KCNAB2: variants seen among roughly 807,000 people sequenced by gnomAD.
KCNAB2 encodes potassium voltage-gated channel subfamily A regulatory beta subunit 2.
KCNAB2 carries 29 observed loss-of-function variants against 63.6 expected under a neutral mutation model. That is an observed-to-expected ratio of 0.46 (90% CI 0.34 to 0.62). The LOEUF is 0.62. Ranked by LOEUF, KCNAB2 falls within the 20% of genes least tolerant of loss-of-function variation. KCNAB2 has a pLI of 0.01. For synonymous variants in KCNAB2, 222 were observed against 224.2 expected (o/e 0.99, Z 0.09); for missense variants, 359 against 563.9 (o/e 0.64, Z 3.68).
intron 9 of KCNAB2, 25 bp downstream of exon 9, chr1:6,090,500 C>T (rs1423006019): frequency 1.1e-5 from 17 of 1,590,208 alleles, no homozygotes; most frequent in Admixed American, 3.4e-5. Flanking sequence ...GCGGCGCCAC[C>T]GGTTAGGCCT....
At chr1:6,008,673 C>T (rs150118287) in intron 1 of KCNAB2, among the ~76,000 whole-genome samples, 3 of 150,842 alleles carry the variant, frequency 2.0e-5, no homozygotes, top group Non-Finnish European at 4.4e-5. Context: ...CTGAGAAATG[C>T]TCCTGGTATC....
At chr1:6,041,572 G>A, upstream of KCNAB2, 1 of 532,082 alleles carries the variant, frequency 1.9e-6, no homozygotes, top group East Asian at 3.2e-5. Flanking sequence ...AACAGGGCCT[G>A]GCATGGAAGG....
At chr1:6,094,317 C>T in intron 10 of KCNAB2, 83 bp from the exon 11 acceptor site, 1 of 1,007,910 alleles carries the variant, frequency 9.9e-7, no homozygotes, top group Non-Finnish European at 1.5e-6. Flanking sequence ...TCCCAGCGTC[C>T]TGCCTGTATT....
intron 1 of KCNAB2, among the ~76,000 whole-genome samples, chr1:6,000,508 A>G (rs1339790761): frequency 4.6e-5 from 7 of 152,090 alleles, no homozygotes; most frequent in African/African-American, 1.4e-4. Context: ...GGGAGCTGCC[A>G]TGCTCTCTCT....
chr1:6,042,117 A>G (rs903842046), upstream of KCNAB2, among the ~76,000 whole-genome samples: 3 of 152,220 alleles, frequency 2.0e-5, no homozygotes, highest in African/African-American at 7.2e-5. Flanking sequence ...TGATTTGAGC[A>G]AATGGGCTTT....
At chr1:6,034,751 C>T (rs11584686) in exon 1 of KCNAB2, 12,979 of 152,556 alleles carry the variant, frequency 0.085, 795 homozygotes, top group African/African-American at 0.17. Context: ...GCTGCCTCTC[C>T]AGTGCTCTCT....
In KCNAB2 at chr1:6,039,315, G is replaced by A. The variant is rs72861064; in HGVS notation, c.-52-1202G>A. Among the ~76,000 whole-genome samples the A allele has an allele frequency of 3.7e-3, 570 of 152,318 alleles. 1 individual carries two copies. The highest frequency in any genetic ancestry group is 0.012 in the African/African-American group (515 of 41,576). ...CCTAGGAGTGGGAGGAAAGAGCATGGGACCAGATTCACTTTGGAAATAGAA... is the reference window on the plus strand; with the variant it reads ...CCTAGGAGTGGGAGGAAAGAGCATGAGACCAGATTCACTTTGGAAATAGAA... On this transcript the variant is annotated intron_variant, in intron 1 of 15. Transcript: ENST00000164247.
chr1:6,077,530 G>A lies in KCNAB2; in HGVS notation c.300+3760G>A, dbSNP rs1030218561. Among the ~76,000 whole-genome samples the A allele has an allele frequency of 9.8e-5, 15 of 152,306 alleles. No homozygotes were observed. The East Asian group carries it at 2.7e-3, about 27-fold the overall frequency. The stretch of plus-strand genomic sequence containing the variant: ...GGTTAGGGTTGGTGTCTGCAGTGCC[G>A]GACCCTGCTGATCCGGCTGTCTGCA... On this transcript the variant is annotated intron_variant, in intron 4 of 15. Transcript: ENST00000378083.
At chr1:6,031,780 T>C (rs888635154), upstream of KCNAB2, among the ~76,000 whole-genome samples, 3 of 151,142 alleles carry the variant, frequency 2.0e-5, no homozygotes, top group Non-Finnish European at 4.4e-5. This position sits in a 1 kb window ranked among gnomAD's most constrained non-coding sequence, Gnocchi z 4.1. Flanking sequence ...TCCCAGCTAA[T>C]TGGGAGGCTG....
In KCNAB2 at chr1:6,086,148, T is replaced by C; in HGVS notation, c.425+900T>C. ...GCCCTGTTCCTTAATAAATGCGTCTTTATTTTCAGAAACATCAGAAGCAGT... is the reference window on the plus strand; with the variant it reads ...GCCCTGTTCCTTAATAAATGCGTCTCTATTTTCAGAAACATCAGAAGCAGT... On this transcript the variant is annotated intron_variant, in intron 6 of 15. Coordinates refer to ENST00000378083, the MANE Select transcript of KCNAB2 (RefSeq NM_001199862.2). The surrounding 1 kb of genome is among the most constrained non-coding windows in gnomAD (Gnocchi z 4.2). 1.0e-6 allele frequency: 1 copy of C among 985,370 alleles called. No homozygotes were observed. Among genetic ancestry groups the C allele is most frequent in the Non-Finnish European group, 1.2e-6 (1 of 829,910 alleles). The allele number at this position is 985,370 out of a possible 1,614,324, so 61.0% of individuals were successfully genotyped here. A position where few individuals can be genotyped will look rare whatever the true frequency, so the allele number is the denominator to read the frequency against.
At chr1:6,076,006 A>G (rs1181634462) in intron 4 of KCNAB2, among the ~76,000 whole-genome samples, 1 of 152,162 alleles carries the variant, frequency 6.6e-6, no homozygotes, top group Non-Finnish European at 1.5e-5. Context: ...GGCTGCTTTC[A>G]CTCCACAAGG....
In KCNAB2 at chr1:5,994,749, G is replaced by A. The variant is rs1005818818; in HGVS notation, c.-53+1961G>A. On this transcript the variant is annotated intron_variant, in intron 1 of 16. Coordinates refer to the KCNAB2 transcript ENST00000341524. The surrounding 1 kb of genome is among the most constrained non-coding windows in gnomAD (Gnocchi z 5.4). ...CGGGAGGTGGGACGTGGGCCATGGC[G>A]CTAGAGAGCTGGAAAGGCCGAGGGT... Among the ~76,000 whole-genome samples, 3 of 152,208 alleles carry A rather than the reference G, an allele frequency of 2.0e-5. No individual in the cohort carries two copies. The highest frequency in any genetic ancestry group is 7.2e-5 in the African/African-American group (3 of 41,452).
chr1:6,007,003 C>A lies in KCNAB2; in HGVS notation c.-53+14215C>A, dbSNP rs576979631. Among the ~76,000 whole-genome samples, 711 of 152,230 alleles carry A rather than the reference C, an allele frequency of 4.7e-3. 2 individuals are homozygous for A. Among genetic ancestry groups the A allele is most frequent in the Non-Finnish European group, 8.7e-3 (594 of 68,016 alleles). On this transcript the variant is annotated intron_variant, in intron 1 of 16. Coordinates refer to the KCNAB2 transcript ENST00000341524. ...TCTGTGCTGGGCACTGTGCTTAAGC[C>A]CAGCAGCGGGCCCTGGCTGGACTCA...
intron 1 of KCNAB2, among the ~76,000 whole-genome samples, chr1:6,015,022 T>G (rs1473302805): frequency 2.4e-5 from 3 of 124,268 alleles, no homozygotes; most frequent in East Asian, 2.2e-4. Flanking sequence ...CTTCCTTTTT[T>G]TTTTTTTTTT....
chr1:6,094,511 TG>T, intron 11 of KCNAB2, 26 bp downstream of exon 11: 1 of 1,585,272 alleles, frequency 6.3e-7, no homozygotes, highest in Non-Finnish European at 8.6e-7. Flanking sequence ...AGCATGTGTG[TG>T]TCCAGGCACA....
chr1:6,090,433 G>A lies in KCNAB2; in HGVS notation c.559G>A (p.Val187Met), dbSNP rs758650434. The stretch of plus-strand genomic sequence containing the variant: ...GCGACTGCAGCTGGAGTACGTGGAT[G>A]TGGTGTTTGCCAACCGCCCGGACCC... ...LERLQLEYVD[V>M]VFANRPDPNT... The change falls in exon 9 of 16, where the codon GTG becomes ATG. Residue 187 changes from valine to methionine, a missense_variant. Physicochemically the swap from Val to Met is conservative, Grantham distance 21 (BLOSUM62 1). Around this residue, in one of 2 missense-constraint regions of KCNAB2, gnomAD observed 271 missense variants for 476.1 expected, o/e 0.57. Coordinates refer to ENST00000378083, the MANE Select transcript of KCNAB2 (RefSeq NM_001199862.2). The A allele has an allele frequency of 6.2e-7, 1 of 1,613,968 alleles. No individual in the cohort carries two copies. Among genetic ancestry groups the A allele is most frequent in the Admixed American group, 1.7e-5 (1 of 60,016 alleles).
At chr1:6,049,374 A>G (rs1661202006) in intron 1 of KCNAB2, among the ~76,000 whole-genome samples, 1 of 152,240 alleles carries the variant, frequency 6.6e-6, no homozygotes. Flanking sequence ...GAGTGAATTC[A>G]GCACACAGGA....
At chr1:6,079,520 C>A (rs958615922) in intron 4 of KCNAB2, among the ~76,000 whole-genome samples, 61 of 145,608 alleles carry the variant, frequency 4.2e-4, no homozygotes, top group South Asian at 1.8e-3. Context: ...CTCCATCTCC[C>A]AAAAAAAAAA....
upstream of KCNAB2, among the ~76,000 whole-genome samples, chr1:6,044,592 G>C (rs1407774183): frequency 6.6e-6 from 1 of 151,866 alleles, no homozygotes; most frequent in Non-Finnish European, 1.5e-5. Flanking sequence ...GGATGTTGGT[G>C]GGGGGCCTCG....
Sources: allele counts gnomAD v4.1 joint callset (sites outside exome capture counted in the v4.1 genomes callset), GRCh38; gene constraint gnomAD v4.1.1; regional missense constraint gnomAD v4.1.1; non-coding constraint Gnocchi (gnomAD v3.1); transcripts MANE v1.5; gene names NCBI Gene and HGNC (gene_info 2026-07-23, HGNC 2026-07-21).